The following EML6 variants were observed in gnomAD, a reference collection of about 807,000 sequenced individuals.
The protein encoded by EML6 is EMAP like 6, also known as echinoderm microtubule-associated protein-like 6.
In EML6, 154 loss-of-function variants were observed where a neutral mutation model predicts 240.1. That is an observed-to-expected ratio of 0.64 (90% CI 0.56 to 0.73). The LOEUF (loss-of-function observed/expected upper bound fraction) is 0.73. EML6 is among the 30% of genes least tolerant of loss of function. The probability of loss-of-function intolerance (pLI) is 0.00; values close to 1 mark genes in which losing one functional copy is unlikely to be tolerated. For missense variants in EML6, 2,964 were observed against 2,474.6 expected, an observed-to-expected ratio of 1.20 and a Z score of -4.20; for synonymous variants, 1,148 against 899.0, an observed-to-expected ratio of 1.28 and a Z score of -4.95.
chr2:54,832,938 C>G (rs747409943), intron 7 of EML6, among the ~76,000 whole-genome samples: 2 of 152,184 alleles, frequency 1.3e-5, no homozygotes, highest in African/African-American at 2.4e-5. Flanking sequence ...TTTATAAGAA[C>G]TATCTTGATA....
chr2:54,795,136 T>G (rs1029873868), intron 2 of EML6, among the ~76,000 whole-genome samples: 6 of 152,210 alleles, frequency 3.9e-5, no homozygotes, highest in Admixed American at 3.9e-4. Context: ...TATAGTGAGT[T>G]TGTTTTCACA....
chr2:54,765,857 C>CT (rs1233038352), intron 2 of EML6, among the ~76,000 whole-genome samples: 1 of 152,242 alleles, frequency 6.6e-6, no homozygotes, highest in African/African-American at 2.4e-5. Flanking sequence ...AATCTACTTT[C>CT]TTTTTTATTT....
chr2:54,950,465 C>G (rs1017063511), intron 29 of EML6, among the ~76,000 whole-genome samples, 185 bp from the exon 30 acceptor site: 2 of 152,214 alleles, frequency 1.3e-5, no homozygotes, highest in African/African-American at 4.8e-5. Context: ...TTTCAGAAAA[C>G]TAAAGAAGGG....
chr2:54,818,954 T>C (rs1558576193), intron 4 of EML6, among the ~76,000 whole-genome samples: 2 of 152,218 alleles, frequency 1.3e-5, no homozygotes, highest in African/African-American at 2.4e-5. Flanking sequence ...TACATTTATA[T>C]AATGAATGTT....
At chr2:54,822,088 A>C (rs1668360829) in intron 5 of EML6, among the ~76,000 whole-genome samples, 2 of 152,194 alleles carry the variant, frequency 1.3e-5, no homozygotes, top group Non-Finnish European at 2.9e-5. Flanking sequence ...ATCTCTTGCA[A>C]ATCCGTAGAA....
chr2:54,850,083 G>A lies in EML6; in HGVS notation c.1309G>A (p.Val437Ile), dbSNP rs778441581. The change falls in exon 10 of 42, where the codon GTT (valine) becomes ATT (isoleucine). Residue 437 changes from valine to isoleucine, a missense_variant. Physicochemically the swap from Val to Ile is conservative, Grantham distance 29. Transcript: ENST00000356458. ...SNDGPVDVYA[V>I]AQRYKKIGEC... ...TGATGGCCCAGTAGATGTCTATGCT[G>A]TTGCCCAGAGGTATAAGAAAATTGG... The A allele has an allele frequency of 2.1e-5, 33 of 1,552,012 alleles. No homozygotes were observed. The highest frequency in any genetic ancestry group is 3.9e-5 in the Admixed American group (2 of 50,994).
chr2:54,892,750 A>G, intron 19 of EML6, 94 bp downstream of exon 19: 1 of 895,370 alleles, frequency 1.1e-6, no homozygotes. Context: ...TGTATCTAAA[A>G]CAGGCCTGTC....
intron 26 of EML6, among the ~76,000 whole-genome samples, chr2:54,923,367 G>GCACACACACACACACA (rs113101367): frequency 0.012 from 1,746 of 144,408 alleles, 31 homozygotes; most frequent in Middle Eastern, 0.021. Flanking sequence ...CTCACCAAAC[G>GCACACACACACACACA]CACACACACA....
At chr2:54,771,108 G>A (rs564999438) in intron 2 of EML6, among the ~76,000 whole-genome samples, 1 of 152,240 alleles carries the variant, frequency 6.6e-6, no homozygotes, top group East Asian at 1.9e-4. Flanking sequence ...TCAGTGGCAG[G>A]ATCAGGCCTG....
chr2:54,769,048 A>C (rs1266693466), intron 2 of EML6, among the ~76,000 whole-genome samples: 2 of 152,166 alleles, frequency 1.3e-5, no homozygotes, highest in Admixed American at 1.3e-4. Flanking sequence ...ACTATCCAAG[A>C]AGCTGGGAAA....
At chr2:54,867,423 C>G (rs1288259336) in intron 14 of EML6, 1 of 152,106 alleles carries the variant, frequency 6.6e-6, no homozygotes, top group East Asian at 1.9e-4. Flanking sequence ...TAAATGGATG[C>G]AAAGGAACCT....
chr2:54,769,440 G>A (rs545038624), intron 2 of EML6, among the ~76,000 whole-genome samples: 2 of 152,228 alleles, frequency 1.3e-5, no homozygotes, highest in East Asian at 1.9e-4. Context: ...AAAAATTGTA[G>A]TACAAAAGTA....
intron 32 of EML6, among the ~76,000 whole-genome samples, chr2:54,954,510 T>G (rs889553247): frequency 3.2e-4 from 48 of 152,260 alleles, no homozygotes; most frequent in Admixed American, 1.3e-4. Flanking sequence ...GTGCTCTTTC[T>G]GATGGCCCCT....
At chr2:54,933,960 A>G (rs907740258) in intron 28 of EML6, among the ~76,000 whole-genome samples, 1 of 152,180 alleles carries the variant, frequency 6.6e-6, no homozygotes, top group Non-Finnish European at 1.5e-5. Context: ...AGTGGTAAAG[A>G]GAGGACAGAA....
At chr2:54,848,944 T>C (rs1353141688) in intron 9 of EML6, among the ~76,000 whole-genome samples, 1 of 152,218 alleles carries the variant, frequency 6.6e-6, no homozygotes, top group Admixed American at 6.5e-5. Flanking sequence ...CGACAATAGG[T>C]ATCAAGCTTA....
intron 17 of EML6, among the ~76,000 whole-genome samples, chr2:54,889,888 A>G (rs1415321121): frequency 6.6e-6 from 1 of 152,266 alleles, no homozygotes; most frequent in Admixed American, 6.5e-5. Context: ...AAATATGACG[A>G]ATAAGCTATT....
chr2:54,892,443 G>C lies in EML6; in HGVS notation c.2540-11G>C. The C allele has an allele frequency of 6.5e-7, 1 of 1,544,380 alleles. No homozygotes were observed. Among genetic ancestry groups the C allele is most frequent in the South Asian group, 1.2e-5 (1 of 83,868 alleles). On this transcript the variant is annotated splice_polypyrimidine_tract_variant and intron_variant, in intron 18 of 41. Transcript: ENST00000356458. The stretch of plus-strand genomic sequence containing the variant: ...TTTTATAAAGTAATAACTGTTCTTG[G>C]TCCACTCTAGGTGGGGGCTTCACTT...
intron 28 of EML6, among the ~76,000 whole-genome samples, chr2:54,932,511 G>A (rs942788319): frequency 1.3e-5 from 2 of 152,052 alleles, no homozygotes; most frequent in African/African-American, 4.8e-5. Flanking sequence ...GCCCCAACCT[G>A]ACACACCTCT....
intron 7 of EML6, among the ~76,000 whole-genome samples, chr2:54,840,080 C>A (rs1304587243): frequency 1.3e-5 from 2 of 152,110 alleles, no homozygotes; most frequent in Non-Finnish European, 2.9e-5. Flanking sequence ...TCTTTGCTTC[C>A]TGATAATGCT....
Sources: gnomAD v4.1 joint callset for allele counts (sites outside exome capture counted in the v4.1 genomes callset) on GRCh38, gnomAD v4.1.1 for gene constraint, MANE v1.5 for transcripts, NCBI Gene and HGNC (gene_info 2026-07-23, HGNC 2026-07-21) for gene names.